Variants in KCNJ6 observed in about 807,000 individuals in gnomAD.
KCNJ6 encodes potassium inwardly rectifying channel subfamily J member 6.
KCNJ6 carries 9 observed loss-of-function variants against 34.2 expected under a neutral mutation model. The observed-to-expected ratio is 0.26, with a 90% CI of 0.16 to 0.46. The LOEUF (loss-of-function observed/expected upper bound fraction) is 0.46, where lower values mean the gene tolerates loss of function less well. Ranked by LOEUF, KCNJ6 falls within the 20% of genes least tolerant of loss-of-function variation. KCNJ6 has a pLI of 1.00. For synonymous variants in KCNJ6, 196 were observed against 207.1 expected, an observed-to-expected ratio of 0.95 and a Z score of 0.46; for missense variants, 236 against 531.3, an observed-to-expected ratio of 0.44 and a Z score of 5.46.
chr21:37,893,998 G>C (rs777226829), intron 1 of KCNJ6, among the ~76,000 whole-genome samples: 5 of 152,044 alleles, frequency 3.3e-5, no homozygotes, highest in Admixed American at 6.5e-5. Context: ...ATCTTAACAT[G>C]ATCTGTTAAA....
intron 2 of KCNJ6, among the ~76,000 whole-genome samples, chr21:37,810,324 G>T (rs2055316387): frequency 6.6e-6 from 1 of 152,112 alleles, no homozygotes; most frequent in African/African-American, 2.4e-5. Flanking sequence ...TGGAAATTTA[G>T]TCAGTTTCCA....
intron 2 of KCNJ6, among the ~76,000 whole-genome samples, chr21:37,750,227 C>T (rs1430160215): frequency 1.3e-5 from 2 of 152,134 alleles, no homozygotes; most frequent in African/African-American, 4.8e-5. Context: ...AGTCAGGAAA[C>T]AACGGATGCT....
intron 1 of KCNJ6, among the ~76,000 whole-genome samples, chr21:37,857,481 T>C (rs1182545525): frequency 6.6e-6 from 1 of 152,250 alleles, no homozygotes; most frequent in East Asian, 1.9e-4. Context: ...TGCTCAGATC[T>C]GCCATTTTGC....
rs1046970619 is a variant in KCNJ6, at chr21:37,613,794, T to A, written c.*11365A>T. The stretch of plus-strand genomic sequence containing the variant: ...AGATGAATTGGGAGAGCACAGAGGA[T>A]TTTTAGGGCCGTGGGACTATCCTGT... On this transcript the variant is annotated 3_prime_UTR_variant, in exon 4 of 4. Transcript: ENST00000609713. 1.3e-5 allele frequency: 2 copies of A among 152,094 alleles called. No homozygotes were observed. The highest frequency in any genetic ancestry group is 2.9e-5 in the Non-Finnish European group (2 of 68,018). The allele number at this position is 152,094 out of a possible 1,614,324, so 9.4% of individuals were successfully genotyped here. A position where few individuals can be genotyped will look rare whatever the true frequency, so the allele number is the denominator to read the frequency against.
chr21:37,700,933 G>A (rs2054687695), intron 3 of KCNJ6, among the ~76,000 whole-genome samples: 1 of 152,310 alleles, frequency 6.6e-6, no homozygotes, highest in Admixed American at 6.5e-5. Context: ...GCACGTGGGA[G>A]GGAAGAGCAC....
chr21:37,836,952 CT>C (rs778758229), intron 2 of KCNJ6, among the ~76,000 whole-genome samples: 3 of 152,088 alleles, frequency 2.0e-5, no homozygotes, highest in Non-Finnish European at 2.9e-5. Flanking sequence ...AGGCTGTGAA[CT>C]GCCACACTTA....
At chr21:37,721,397 C>A (rs557493231) in intron 2 of KCNJ6, among the ~76,000 whole-genome samples, 1 of 152,234 alleles carries the variant, frequency 6.6e-6, no homozygotes, top group East Asian at 1.9e-4. Flanking sequence ...ATAGAATTAC[C>A]ATGTAATCCA....
chr21:37,642,669 T>C (rs2835854), intron 3 of KCNJ6, among the ~76,000 whole-genome samples: 47,715 of 150,904 alleles, frequency 0.32, 7,834 homozygotes, highest in East Asian at 0.47. Context: ...GCCGTGAGCA[T>C]CCGACCATGT....
At chr21:37,821,483 A>G (rs904832279) in intron 2 of KCNJ6, among the ~76,000 whole-genome samples, 3 of 152,150 alleles carry the variant, frequency 2.0e-5, no homozygotes, top group African/African-American at 7.2e-5. Flanking sequence ...GCACCTATCA[A>G]CCCATCACCT....
intron 3 of KCNJ6, among the ~76,000 whole-genome samples, chr21:37,659,126 C>T (rs538841041): frequency 1.3e-5 from 2 of 152,354 alleles, no homozygotes; most frequent in Admixed American, 1.3e-4. Context: ...CAAAACTGTG[C>T]TCTCAGGGCC....
At chr21:37,643,382 T>A (rs1350469594) in intron 3 of KCNJ6, among the ~76,000 whole-genome samples, 2 of 152,060 alleles carry the variant, frequency 1.3e-5, no homozygotes. Context: ...ACCAAGACAC[T>A]CAGAGCCAAG....
chr21:37,799,772 T>C, intron 2 of KCNJ6, among the ~76,000 whole-genome samples: 1 of 152,218 alleles, frequency 6.6e-6, no homozygotes, highest in Admixed American at 6.5e-5. Flanking sequence ...TTGACTTATA[T>C]ATATTTAAAA....
intron 2 of KCNJ6, among the ~76,000 whole-genome samples, chr21:37,838,783 C>A (rs776860931): frequency 6.6e-6 from 1 of 152,106 alleles, no homozygotes; most frequent in Non-Finnish European, 1.5e-5. Context: ...GCTCTGTGTC[C>A]CCATGCAAAT....
rs1338902766 is a variant in KCNJ6, at chr21:37,617,933, A to T, written c.*7226T>A. On this transcript the variant is annotated 3_prime_UTR_variant, in exon 4 of 4. Transcript: ENST00000609713. ...GTGTGGGGCAAGTTAAGCTTGAAAGATACAGGGTCCCCCGGAAGATACTTC... is the reference window on the plus strand; with the variant it reads ...GTGTGGGGCAAGTTAAGCTTGAAAGTTACAGGGTCCCCCGGAAGATACTTC... 5 of 152,300 alleles carry T rather than the reference A, an allele frequency of 3.3e-5. No homozygotes were observed. The highest frequency in any genetic ancestry group is 5.9e-5 in the Non-Finnish European group (4 of 68,118). The allele number at this position is 152,300 out of a possible 1,614,324, so 9.4% of individuals were successfully genotyped here.
At chr21:37,843,482 C>T (rs1166219395) in intron 1 of KCNJ6, among the ~76,000 whole-genome samples, 1 of 152,108 alleles carries the variant, frequency 6.6e-6, no homozygotes, top group Non-Finnish European at 1.5e-5. Flanking sequence ...TCCTTATGTC[C>T]TTCCCTCATT....
Position 37,724,801 on chromosome 21 carries a change from T to G in KCNJ6, c.26-9670A>C, listed in dbSNP as rs979354138. ...AGCATTTCTCAAGGGCATTATTCAC[T>G]GCAGGCTGTGGGACAACTGATTGCC... On this transcript the variant is annotated intron_variant, in intron 2 of 3. Coordinates refer to ENST00000609713, the MANE Select transcript of KCNJ6 (RefSeq NM_002240.5). Among the ~76,000 whole-genome samples the G allele has an allele frequency of 1.4e-4, 22 of 152,162 alleles. 2 individuals carry two copies. The highest frequency in any genetic ancestry group is 9.2e-4 in the Admixed American group (14 of 15,274).
intron 1 of KCNJ6, among the ~76,000 whole-genome samples, chr21:37,880,288 C>G (rs1180740795): frequency 2.6e-5 from 4 of 152,082 alleles, no homozygotes; most frequent in Non-Finnish European, 4.4e-5. Flanking sequence ...GTGCATTGTC[C>G]AGGAAAAAAG....
chr21:37,829,798 C>A (rs550742478), intron 2 of KCNJ6, among the ~76,000 whole-genome samples: 3 of 152,302 alleles, frequency 2.0e-5, no homozygotes, highest in Admixed American at 6.5e-5. Flanking sequence ...CGCAGGGGTG[C>A]CCCCGAGATG....
At chr21:37,627,906 T>G (rs1003017159) in intron 3 of KCNJ6, among the ~76,000 whole-genome samples, 2 of 152,176 alleles carry the variant, frequency 1.3e-5, no homozygotes, top group East Asian at 1.9e-4. Context: ...TACTGGCTCT[T>G]AAGAGAATCT....
Sources: gnomAD v4.1 joint callset for allele counts (sites outside exome capture counted in the v4.1 genomes callset) on GRCh38, gnomAD v4.1.1 for gene constraint, MANE v1.5 for transcripts, NCBI Gene and HGNC (gene_info 2026-07-23, HGNC 2026-07-21) for gene names.